SLC9D1: variants seen among roughly 807,000 people sequenced by gnomAD.
The protein encoded by SLC9D1 is putative LAG1-interacting protein.
chr13:113,517,046 G>A, the SLC9D1 span, among the ~76,000 whole-genome samples: 1 of 152,200 alleles, frequency 6.6e-6, no homozygotes. Context: ...CAGGTGCCGT[G>A]GGCTGGCTGG....
At chr13:113,499,468 T>C in the SLC9D1 span, among the ~76,000 whole-genome samples, 28,174 of 152,136 alleles carry the variant, frequency 0.19, 3,454 homozygotes, top group African/African-American at 0.35. Flanking sequence ...AGGGGAACAT[T>C]GAACTTCTTA....
At chr13:113,497,463 C>A in the SLC9D1 span, among the ~76,000 whole-genome samples, 2 of 147,274 alleles carry the variant, frequency 1.4e-5, no homozygotes, top group African/African-American at 5.1e-5. Flanking sequence ...CTGTATGAGA[C>A]CTGCAGCTGT....
the SLC9D1 span, among the ~76,000 whole-genome samples, chr13:113,537,534 G>A: frequency 3.9e-5 from 6 of 152,362 alleles, no homozygotes; most frequent in East Asian, 9.6e-4. Context: ...TTTTGCAAAT[G>A]TCTTGCAGTT....
the SLC9D1 span, among the ~76,000 whole-genome samples, chr13:113,517,472 C>T: frequency 6.6e-6 from 1 of 152,096 alleles, no homozygotes; most frequent in African/African-American, 2.4e-5. Flanking sequence ...TCGTGATCCG[C>T]CCGCCTTGGC....
chr13:113,524,059 T>G, the SLC9D1 span: 1 of 455,164 alleles, frequency 2.2e-6, no homozygotes, highest in Non-Finnish European at 4.4e-6. Context: ...TGCTCCAAAG[T>G]CACTTGGGAG....
At chr13:113,504,888 T>C in the SLC9D1 span, 1 of 152,234 alleles carries the variant, frequency 6.6e-6, no homozygotes. Context: ...ACCTCCACAC[T>C]GTTTTCCTTA....
At chr13:113,548,352 AG>A in the SLC9D1 span, 2 of 1,614,038 alleles carry the variant, frequency 1.2e-6, no homozygotes, top group Non-Finnish European at 1.7e-6. Context: ...AGGAGCAGCC[AG>A]TACATCAAGT....
the SLC9D1 span, among the ~76,000 whole-genome samples, chr13:113,538,919 C>T: frequency 1.3e-4 from 20 of 152,352 alleles, no homozygotes; most frequent in Middle Eastern, 3.4e-3. Context: ...CGATGCTTCT[C>T]GCTGGCTTCG....
chr13:113,497,157 C>T, the SLC9D1 span, among the ~76,000 whole-genome samples: 94 of 148,998 alleles, frequency 6.3e-4, no homozygotes, highest in African/African-American at 2.2e-3. Flanking sequence ...GTCAGTCAAA[C>T]CTGCATCTCT....
At chr13:113,529,867 G>A in the SLC9D1 span, 1 of 152,152 alleles carries the variant, frequency 6.6e-6, no homozygotes, top group Non-Finnish European at 1.5e-5. Flanking sequence ...ACTCAGAAAT[G>A]GTTAACATGG....
the SLC9D1 span, chr13:113,529,999 A>G: frequency 3.3e-5 from 5 of 152,280 alleles, no homozygotes; most frequent in Non-Finnish European, 7.3e-5. Context: ...ACAGGTAGAT[A>G]TACAAAACAT....
the SLC9D1 span, chr13:113,536,669 C>T: frequency 1.5e-6 from 1 of 646,492 alleles, no homozygotes. Flanking sequence ...CGTGCACCTG[C>T]TGCCAGCTGC....
chr13:113,517,594 T>A, the SLC9D1 span, among the ~76,000 whole-genome samples: 1 of 152,200 alleles, frequency 6.6e-6, no homozygotes, highest in Admixed American at 6.5e-5. Context: ...CTACAACAGT[T>A]TTAAAAATGA....
chr13:113,504,864 T>C, the SLC9D1 span: 1 of 152,248 alleles, frequency 6.6e-6, no homozygotes, highest in African/African-American at 2.4e-5. Context: ...GAGCTACTTT[T>C]AGTTCTCTGA....
At chr13:113,512,309 C>T in the SLC9D1 span, among the ~76,000 whole-genome samples, 54 of 106,186 alleles carry the variant, frequency 5.1e-4, no homozygotes, top group African/African-American at 5.0e-5. Flanking sequence ...CTCGGAGTCT[C>T]AGGGGCCGGG....
chr13:113,549,277 T>TC, the SLC9D1 span: 1 of 875,670 alleles, frequency 1.1e-6, no homozygotes, highest in Non-Finnish European at 1.7e-6. Flanking sequence ...CAGGCATCCC[T>TC]CCCAGCACTC....
chr13:113,524,864 A>G, the SLC9D1 span, among the ~76,000 whole-genome samples: 1 of 152,072 alleles, frequency 6.6e-6, no homozygotes, highest in Non-Finnish European at 1.5e-5. Flanking sequence ...TGGTATGTTT[A>G]GACCATTTAC....
the SLC9D1 span, chr13:113,514,555 C>T: frequency 3.8e-5 from 5 of 130,636 alleles, no homozygotes; most frequent in East Asian, 1.1e-3. Context: ...ATGAGCCTCG[C>T]TAGTATTTGG....
chr13:113,526,829 C>T, the SLC9D1 span, among the ~76,000 whole-genome samples: 1 of 152,354 alleles, frequency 6.6e-6, no homozygotes, highest in East Asian at 1.9e-4. Context: ...TCAGAGCAAC[C>T]TCCAGTCCTG....
Sources: gnomAD v4.1 joint callset for allele counts (sites outside exome capture counted in the v4.1 genomes callset) on GRCh38, gnomAD v4.1.1 for gene constraint, MANE v1.5 for transcripts, NCBI Gene and HGNC (gene_info 2026-07-23, HGNC 2026-07-21) for gene names.